Variants in GRIK4 observed in about 807,000 individuals in gnomAD.
The protein encoded by GRIK4 is glutamate ionotropic receptor kainate type subunit 4, also known as glutamate receptor ionotropic, kainate 4.
In GRIK4, 40 loss-of-function variants were observed where a neutral mutation model predicts 104.9. The observed-to-expected ratio is 0.38, with a 90% confidence interval of 0.30 to 0.50. The LOEUF is 0.50. Among genes scored for constraint, GRIK4 ranks in the 20% least tolerant of loss-of-function variants. GRIK4 has a pLI of 0.93. For synonymous variants in GRIK4, 485 were observed against 524.9 expected (o/e 0.92, Z 1.04); for missense variants, 1,047 against 1,308.1 (o/e 0.80, Z 3.08).
chr11:120,981,263 A>G (rs943870800), intron 19 of GRIK4, among the ~76,000 whole-genome samples: 1 of 152,262 alleles, frequency 6.6e-6, no homozygotes, highest in Non-Finnish European at 1.5e-5. Context: ...CAGCCATATC[A>G]TATCCTATAA....
At chr11:120,950,335 T>G (rs1565457593) in intron 14 of GRIK4, among the ~76,000 whole-genome samples, 1 of 152,202 alleles carries the variant, frequency 6.6e-6, no homozygotes, top group Non-Finnish European at 1.5e-5. Context: ...ATAACTTTGG[T>G]CTCTAGGAAT....
intron 3 of GRIK4, among the ~76,000 whole-genome samples, chr11:120,790,190 A>G (rs1419625849): frequency 6.6e-6 from 1 of 152,224 alleles, no homozygotes; most frequent in African/African-American, 2.4e-5. Context: ...CTTTGAAAGC[A>G]GAGATACATC....
At chr11:120,949,650 A>T (rs549542373) in intron 14 of GRIK4, among the ~76,000 whole-genome samples, 1 of 152,264 alleles carries the variant, frequency 6.6e-6, no homozygotes, top group African/African-American at 2.4e-5. Context: ...ATTGGGGAGA[A>T]GGCGTGGGAT....
rs74434982 is a variant in GRIK4 at position 120,545,442 on chromosome 11, C to A, written c.-159+33555C>A. Among the ~76,000 whole-genome samples the A allele has an allele frequency of 0.017, 2,537 of 152,274 alleles. 144 individuals carry two copies. In the East Asian group the frequency reaches 0.19, roughly 11 times the overall value. On this transcript the variant is annotated intron_variant, in intron 1 of 20. Transcript: ENST00000527524. ...GCCAACAATCCTACCATGTAGCCCA[C>A]TATCAATAACAATAGTAACTGGCAT...
intron 11 of GRIK4, among the ~76,000 whole-genome samples, chr11:120,893,446 C>G (rs1942473828): frequency 6.6e-6 from 1 of 152,190 alleles, no homozygotes; most frequent in Admixed American, 6.5e-5. Flanking sequence ...ATTGTGGAAC[C>G]AATTAAGCAG....
In GRIK4 at chr11:120,956,315, C is replaced by T. The variant is rs951697961; in HGVS notation, c.1701-465C>T. On this transcript the variant is annotated intron_variant, in intron 15 of 20. Transcript: ENST00000527524. This position sits in a 1 kb window ranked among gnomAD's most constrained non-coding sequence, Gnocchi z 4.6. Reference sequence around the variant, plus strand: ...CTCCCGGACTCAAGTGATTCTCCCACCTCATCCTCTTGAGTAGCTAGGATT... The same window carrying T: ...CTCCCGGACTCAAGTGATTCTCCCATCTCATCCTCTTGAGTAGCTAGGATT... Among the ~76,000 whole-genome samples, 5 of 152,176 alleles carry T rather than the reference C, an allele frequency of 3.3e-5. No individual in the cohort carries two copies. The highest frequency in any genetic ancestry group is 3.3e-4 in the Admixed American group (5 of 15,282).
intron 2 of GRIK4, among the ~76,000 whole-genome samples, chr11:120,658,069 C>CTA (rs1949741975): frequency 6.6e-6 from 1 of 152,196 alleles, no homozygotes; most frequent in Non-Finnish European, 1.5e-5. Flanking sequence ...TATTCTGTCT[C>CTA]TAGAATGTGT....
At chr11:120,867,989 C>T (rs537195611) in intron 9 of GRIK4, 1 of 152,218 alleles carries the variant, frequency 6.6e-6, no homozygotes, top group African/African-American at 2.4e-5. Flanking sequence ...AGAACTATTC[C>T]ATGGGATTTT....
intron 3 of GRIK4, among the ~76,000 whole-genome samples, chr11:120,762,874 A>T (rs961860742): frequency 6.6e-6 from 1 of 152,200 alleles, no homozygotes; most frequent in African/African-American, 2.4e-5. Flanking sequence ...ATCGATGTTC[A>T]TCAGGAATAT....
rs1264351072 is a variant in GRIK4, at chr11:120,953,090, A to G, written c.1700+126A>G. ...GTTGGGAAGATCTTGGTGCCAAACT[A>G]GAAGGACAGGAGAAGGACTGGGGGC... On this transcript the variant is annotated intron_variant, in intron 15 of 20. Coordinates refer to ENST00000527524, the MANE Select transcript of GRIK4 (RefSeq NM_014619.5). The surrounding 1 kb of genome is among the most constrained non-coding windows in gnomAD (Gnocchi z 4.9). 1.5e-6 allele frequency: 1 copy of G among 657,100 alleles called. No individual in the cohort carries two copies. Among genetic ancestry groups the G allele is most frequent in the African/African-American group, 1.8e-5 (1 of 55,560 alleles). The allele number at this position is 657,100 out of a possible 1,614,324, so 40.7% of individuals were successfully genotyped here. A position where few individuals can be genotyped will look rare whatever the true frequency, so the allele number is the denominator to read the frequency against.
intron 4 of GRIK4, among the ~76,000 whole-genome samples, chr11:120,805,737 C>A (rs553474924): frequency 2.6e-5 from 4 of 152,198 alleles, no homozygotes; most frequent in African/African-American, 9.7e-5. Flanking sequence ...CAGCCCAGTT[C>A]TTTCCCTCCC....
chr11:120,827,816 C>T (rs1953307604), intron 6 of GRIK4, among the ~76,000 whole-genome samples: 1 of 152,228 alleles, frequency 6.6e-6, no homozygotes, highest in Non-Finnish European at 1.5e-5. Flanking sequence ...TAGTGATCCT[C>T]AAGAGGGGCT....
chr11:120,719,799 T>C (rs925091151), intron 3 of GRIK4, among the ~76,000 whole-genome samples: 1 of 152,228 alleles, frequency 6.6e-6, no homozygotes, highest in African/African-American at 2.4e-5. Context: ...ACTAGCCTTA[T>C]TCCAGAAGGA....
At chr11:120,663,841 G>A (rs1408442404) in intron 3 of GRIK4, among the ~76,000 whole-genome samples, 1 of 152,024 alleles carries the variant, frequency 6.6e-6, no homozygotes, top group Non-Finnish European at 1.5e-5. Context: ...ATCACCATCA[G>A]CTTAAATGGC....
chr11:120,941,456 T>C (rs1161947259), intron 14 of GRIK4, among the ~76,000 whole-genome samples: 2 of 152,114 alleles, frequency 1.3e-5, no homozygotes, highest in Non-Finnish European at 2.9e-5. Context: ...CTCCCAACCC[T>C]GTGATGGGGG....
chr11:120,734,798 A>G (rs1951193785), intron 3 of GRIK4, among the ~76,000 whole-genome samples: 1 of 152,116 alleles, frequency 6.6e-6, no homozygotes, highest in Admixed American at 6.5e-5. Flanking sequence ...CTGGTTGATC[A>G]ATTCTGCTGT....
At chr11:120,544,344 T>G (rs770893775) in intron 1 of GRIK4, among the ~76,000 whole-genome samples, 6 of 152,116 alleles carry the variant, frequency 3.9e-5, no homozygotes, top group Admixed American at 6.6e-5. Flanking sequence ...TATACTTTTT[T>G]TTTTGAGATG....
At position 120,781,444 on chromosome 11, in the gene GRIK4, G is replaced by A. The variant is rs1031425855; in HGVS notation, c.83-21249G>A. Among the ~76,000 whole-genome samples the A allele has an allele frequency of 1.7e-4, 26 of 151,966 alleles. 1 individual carries two copies. The highest frequency in any genetic ancestry group is 2.9e-5 in the Non-Finnish European group (2 of 67,970). ...TGGCTCACTACAGCCTCAACTTCTTGGGCTCAAGCCATCCTCTCACCTCAG... is the reference window on the plus strand; with the variant it reads ...TGGCTCACTACAGCCTCAACTTCTTAGGCTCAAGCCATCCTCTCACCTCAG... On this transcript the variant is annotated intron_variant, in intron 3 of 20. Coordinates refer to ENST00000527524, the MANE Select transcript of GRIK4 (RefSeq NM_014619.5).
chr11:120,815,332 C>T (rs1952923478), intron 4 of GRIK4, 46 bp from the exon 5 acceptor site: 1 of 1,155,838 alleles, frequency 8.7e-7, no homozygotes, highest in South Asian at 1.3e-5. Flanking sequence ...CAAGCCCGAC[C>T]TGATGAGTGC....
Sources: gnomAD v4.1 joint callset for allele counts (sites outside exome capture counted in the v4.1 genomes callset) on GRCh38, gnomAD v4.1.1 for gene constraint, Gnocchi (gnomAD v3.1) non-coding constraint, MANE v1.5 for transcripts, NCBI Gene and HGNC (gene_info 2026-07-23, HGNC 2026-07-21) for gene names.